LARP4B: variants seen among roughly 807,000 people sequenced by gnomAD.
The protein encoded by LARP4B is la-related protein 4B.
In LARP4B, 12 loss-of-function variants were observed where a neutral mutation model predicts 89.8. The ratio of observed to expected loss-of-function variants is 0.13; its 90% CI spans 0.09 to 0.22. The LOEUF (loss-of-function observed/expected upper bound fraction) is 0.22, where lower values mean the gene tolerates loss of function less well. Ranked by LOEUF, LARP4B falls within the 10% of genes least tolerant of loss-of-function variation. The pLI, the probability that LARP4B is intolerant of heterozygous loss-of-function variation, is 1.00. For synonymous variants in LARP4B, 367 were observed against 363.3 expected (o/e 1.01, Z -0.12); for missense variants, 757 against 947.7 (o/e 0.80, Z 2.64).
upstream of LARP4B, chr10:932,908 A>G (rs1275271445): frequency 8.7e-6 from 1 of 115,058 alleles, no homozygotes; most frequent in Admixed American, 8.2e-5. Flanking sequence ...CAAACCCCCA[A>G]CCCACACCCG....
At chr10:818,127 G>A (rs1044979790) in intron 14 of LARP4B, 111 of 427,828 alleles carry the variant, frequency 2.6e-4, no homozygotes, top group Non-Finnish European at 4.3e-4. Context: ...GACACAGTGA[G>A]GCTAAGGTGA....
intron 1 of LARP4B, among the ~76,000 whole-genome samples, chr10:920,212 A>C (rs1441794727): frequency 6.6e-6 from 1 of 152,228 alleles, no homozygotes; most frequent in South Asian, 2.1e-4. Context: ...CTTAAAGAGG[A>C]GGCTCGTTAC....
intron 11 of LARP4B, among the ~76,000 whole-genome samples, chr10:827,279 G>GA (rs1832684251): frequency 9.4e-6 from 1 of 106,790 alleles, no homozygotes; most frequent in African/African-American, 3.7e-5. Flanking sequence ...CTGTCTCAAA[G>GA]AAAAAGAAAA....
intron 1 of LARP4B, among the ~76,000 whole-genome samples, chr10:899,707 T>C (rs949995739): frequency 3.3e-5 from 5 of 152,188 alleles, no homozygotes; most frequent in African/African-American, 4.8e-5. Context: ...TGAACAGAGA[T>C]GGACAGCACA....
Position 817,989 on chromosome 10 carries a change from G to C in LARP4B, c.1531-100C>G, listed in dbSNP as rs147061522. 3.3e-5 allele frequency: 40 copies of C among 1,225,082 alleles called. No homozygotes were observed. In the African/African-American group the frequency reaches 4.5e-4, roughly 14 times the overall value. The allele number at this position is 1,225,082 out of a possible 1,614,324, so 75.9% of individuals were successfully genotyped here. A position where few individuals can be genotyped will look rare whatever the true frequency, so the allele number is the denominator to read the frequency against. On this transcript the variant is annotated intron_variant, in intron 14 of 17. Transcript: ENST00000316157. ...TGGAAAATATCTGTAGAAACAAGCAGATCATTCAACCCAGACAAGGGCTTC... is the reference window on the plus strand; with the variant it reads ...TGGAAAATATCTGTAGAAACAAGCACATCATTCAACCCAGACAAGGGCTTC...
the LARP4B span, chr10:972,786 G>A: frequency 8.8e-6 from 4 of 456,652 alleles, no homozygotes; most frequent in African/African-American, 2.0e-5. Flanking sequence ...AGAAGATGCA[G>A]CCCCAGGTAG....
intron 15 of LARP4B, among the ~76,000 whole-genome samples, chr10:816,992 A>G (rs1446240208): frequency 6.6e-6 from 1 of 152,192 alleles, no homozygotes; most frequent in Non-Finnish European, 1.5e-5. Flanking sequence ...TCTGGGGCAC[A>G]GCTGGGGAAA....
At chr10:980,657 T>C in the LARP4B span, among the ~76,000 whole-genome samples, 1 of 152,168 alleles carries the variant, frequency 6.6e-6, no homozygotes, top group Non-Finnish European at 1.5e-5. Context: ...GGAAGCAGTG[T>C]CCCAAGGCTG....
At chr10:830,578 T>C (rs995503310) in intron 9 of LARP4B, among the ~76,000 whole-genome samples, 1 of 152,250 alleles carries the variant, frequency 6.6e-6, no homozygotes, top group Non-Finnish European at 1.5e-5. Context: ...CCAAACACTT[T>C]GCAAATAGTA....
chr10:959,423 C>T, the LARP4B span, among the ~76,000 whole-genome samples: 66 of 118,300 alleles, frequency 5.6e-4, no homozygotes, highest in East Asian at 0.01. Flanking sequence ...ATCCACCTCC[C>T]CGTCAATCCA....
Position 835,409 on chromosome 10 carries a change from G to C in LARP4B, c.750+994C>G, listed in dbSNP as rs115001422. On this transcript the variant is annotated intron_variant, in intron 8 of 17. Coordinates refer to ENST00000316157, the MANE Select transcript of LARP4B (RefSeq NM_015155.3). ...GGAAAGAGGTAGCATGAACGACGAG[G>C]CTGAAATCATGTGAGAGATGAGACC... Among the ~76,000 whole-genome samples the C allele has an allele frequency of 5.5e-3, 836 of 152,274 alleles. 6 individuals are homozygous for C. Among genetic ancestry groups the C allele is most frequent in the African/African-American group, 0.019 (786 of 41,550 alleles).
chr10:816,274 T>C (rs1266662998), intron 15 of LARP4B, among the ~76,000 whole-genome samples: 1 of 152,192 alleles, frequency 6.6e-6, no homozygotes, highest in East Asian at 1.9e-4. Flanking sequence ...GCAGTCCCAA[T>C]GCAAATGAAA....
Position 830,864 on chromosome 10 carries a change from T to C in LARP4B, c.861+3A>G, listed in dbSNP as rs757233683. Reference sequence around the variant, plus strand: ...TCATAGGGTGATGGTGGAAAGAACTTACCTGTTGTGCATCAGCTTCTGTTT... The same window carrying C: ...TCATAGGGTGATGGTGGAAAGAACTCACCTGTTGTGCATCAGCTTCTGTTT... On this transcript the variant is annotated splice_donor_region_variant and intron_variant, in intron 9 of 17. Coordinates refer to ENST00000316157, the MANE Select transcript of LARP4B (RefSeq NM_015155.3). 1.6e-6 allele frequency: 2 copies of C among 1,225,652 alleles called. No homozygotes were observed. The highest frequency in any genetic ancestry group is 1.2e-6 in the Non-Finnish European group (1 of 831,440). 75.9% of individuals were successfully genotyped at this position (1,225,652 alleles called of 1,614,324 possible).
At chr10:974,310 AGGAGTGTTCCCTG>A in the LARP4B span, among the ~76,000 whole-genome samples, 3 of 152,054 alleles carry the variant, frequency 2.0e-5, no homozygotes, top group Admixed American at 1.3e-4. Flanking sequence ...TTTCCCCTTG[AGGAGTGTTCCCTG>A]GGGAGTTTGC....
chr10:882,441 G>A (rs188044424), intron 3 of LARP4B, among the ~76,000 whole-genome samples: 167 of 151,364 alleles, frequency 1.1e-3, no homozygotes, highest in African/African-American at 3.8e-3. Flanking sequence ...AGGCTGGAGT[G>A]TGGTGGCACA....
intron 3 of LARP4B, among the ~76,000 whole-genome samples, chr10:878,279 C>A (rs1323173293): frequency 3.9e-5 from 6 of 152,138 alleles, no homozygotes; most frequent in Non-Finnish European, 5.9e-5. Flanking sequence ...TCGAAGGGAT[C>A]CTCTGGCCAC....
chr10:893,844 C>A lies in LARP4B; in HGVS notation c.-39-8084G>T, dbSNP rs547884687. On this transcript the variant is annotated intron_variant, in intron 1 of 17. Transcript: ENST00000316157. ...GAAGAATGAACGGAAAACAAGTCGGCAGCAATCATGAGAGCTACCACCACC... is the reference window on the plus strand; with the variant it reads ...GAAGAATGAACGGAAAACAAGTCGGAAGCAATCATGAGAGCTACCACCACC... Among the ~76,000 whole-genome samples, 3 of 152,242 alleles carry A rather than the reference C, an allele frequency of 2.0e-5. No homozygotes were observed. In the South Asian group the frequency reaches 6.2e-4, roughly 32 times the overall value.
chr10:837,625 A>G (rs1415874447), intron 7 of LARP4B, among the ~76,000 whole-genome samples: 1 of 152,222 alleles, frequency 6.6e-6, no homozygotes, highest in Non-Finnish European at 1.5e-5. Flanking sequence ...GGAATAAAAC[A>G]CACGTTCCAG....
chr10:904,923 T>A (rs967205560), intron 1 of LARP4B, among the ~76,000 whole-genome samples: 4 of 152,248 alleles, frequency 2.6e-5, no homozygotes, highest in African/African-American at 9.6e-5. Context: ...GTGGCTGGGA[T>A]GGTGACATCT....
Sources: gnomAD v4.1 joint callset for allele counts (sites outside exome capture counted in the v4.1 genomes callset) on GRCh38, gnomAD v4.1.1 for gene constraint, MANE v1.5 for transcripts, NCBI Gene and HGNC (gene_info 2026-07-23, HGNC 2026-07-21) for gene names.